Variants in CEP250 observed in about 807,000 individuals in gnomAD.
CEP250 encodes the protein centrosome-associated protein CEP250.
A neutral mutation model predicts 315.7 loss-of-function variants in CEP250; 242 were observed. The ratio of observed to expected loss-of-function variants is 0.77; its 90% CI spans 0.69 to 0.85. The LOEUF (loss-of-function observed/expected upper bound fraction) is 0.85, where lower values mean the gene tolerates loss of function less well. CEP250 is among the 40% of genes least tolerant of loss of function. The pLI is 0.00. For synonymous variants in CEP250, 1,088 were observed against 1,175.0 expected, an observed-to-expected ratio of 0.93 and a Z score of 1.51; for missense variants, 2,515 against 2,886.4, an observed-to-expected ratio of 0.87 and a Z score of 2.95.
rs533043565 is a variant in CEP250 at position 35,490,923 on chromosome 20, AC to A, written c.2754+122del. 4.7e-4 allele frequency: 579 copies of A among 1,238,474 alleles called. 1 individual carries two copies. The South Asian group carries it at 4.7e-3, about 10-fold the overall frequency. The allele number at this position is 1,238,474 out of a possible 1,614,324, so 76.7% of individuals were successfully genotyped here. ...GGGGCTTCCAGAAGAGAGGGTAGCT[AC>A]CCACTTTGCTAACAGTGAGCAGGGT... On this transcript the variant is annotated intron_variant, in intron 21 of 34. Coordinates refer to ENST00000397527, the MANE Select transcript of CEP250 (RefSeq NM_007186.6).
intron 30 of CEP250, among the ~76,000 whole-genome samples, chr20:35,505,342 G>T (rs934862302): frequency 8.5e-5 from 13 of 152,286 alleles, no homozygotes; most frequent in African/African-American, 2.9e-4. Flanking sequence ...AAGGCTTTCT[G>T]GTAAAAGTGG....
At chr20:35,475,931 C>T (rs1452016026) in intron 15 of CEP250, among the ~76,000 whole-genome samples, 3 of 152,156 alleles carry the variant, frequency 2.0e-5, no homozygotes, top group African/African-American at 7.2e-5. Context: ...GTGTTTTAGC[C>T]TCCCCTTCTA....
At chr20:35,494,360 G>A (rs143717851) in intron 23 of CEP250, 164 bp from the exon 24 acceptor site, 5 of 826,296 alleles carry the variant, frequency 6.1e-6, no homozygotes, top group South Asian at 5.1e-5. Flanking sequence ...ATTGAGGAAG[G>A]GGGTGGTTAA....
chr20:35,476,211 C>A, intron 15 of CEP250: 1 of 390,400 alleles, frequency 2.6e-6, no homozygotes, highest in Non-Finnish European at 4.6e-6. Context: ...CTTACATTTT[C>A]TGTGGCATCA....
chr20:35,500,156 C>T lies in CEP250; in HGVS notation c.3885C>T (p.Ser1295=), dbSNP rs1217813282. 10 of 1,613,844 alleles carry T rather than the reference C, an allele frequency of 6.2e-6. No individual in the cohort carries two copies. In the East Asian group the frequency reaches 2.2e-4, roughly 36 times the overall value. ...TGCAGGATCTGCAGAGACAGCTCTC[C>T]CAGAATCAGGAAGGTGAGAAGCTCA... ...TELQDLQRQL[S]QNQEEKSKWE... Residue 1295 remains serine (S), a synonymous_variant, in exon 28 of 35, where the codon TCC becomes TCT. Transcript: ENST00000397527.
chr20:35,490,022 G>A (rs6120959), intron 20 of CEP250, among the ~76,000 whole-genome samples: 52,117 of 151,810 alleles, frequency 0.34, 10,346 homozygotes, highest in African/African-American at 0.54. Flanking sequence ...CTAAAAATAA[G>A]AATGCCTAGG....
rs1289689554 is a variant in CEP250 at position 35,509,000 on chromosome 20, T to TC, written c.6967dup (p.Leu2323ProfsTer29). On this transcript the variant is annotated frameshift_variant, in exon 33 of 35. Transcript: ENST00000397527. LOFTEE classifies it high-confidence loss of function. ...GGCCATGCGTGCGGCCCAGGCAGGG[T>TC]CCCTAGAGATCAGCAAGGCCACGGC... 6.4e-7 allele frequency: 1 copy of TC among 1,558,660 alleles called. No homozygotes were observed. Among genetic ancestry groups the TC allele is most frequent in the South Asian group, 1.2e-5 (1 of 84,498 alleles).
At chr20:35,465,967 C>G in intron 6 of CEP250, 72 bp from the exon 7 acceptor site, 1 of 1,577,836 alleles carries the variant, frequency 6.3e-7, no homozygotes, top group Non-Finnish European at 8.6e-7. Flanking sequence ...TGGTTGCCAT[C>G]TTACTCCCAG....
rs1021687347 is a variant in CEP250, at chr20:35,459,582, C to T, written c.-226-401C>T. 3.3e-5 allele frequency among the ~76,000 whole-genome samples: 5 copies of T among 149,578 alleles called. 1 individual carries two copies. Among genetic ancestry groups the T allele is most frequent in the Admixed American group, 1.3e-4 (2 of 15,008 alleles). ...GGGTGGCTGTCTGAAACCAGGAGTT[C>T]GAGACAAGCTTAGGCAACATGGCAA... On this transcript the variant is annotated intron_variant, in intron 2 of 34. Transcript: ENST00000397527.
intron 24 of CEP250, among the ~76,000 whole-genome samples, chr20:35,495,183 A>T (rs1228888810): frequency 6.6e-6 from 1 of 152,228 alleles, no homozygotes; most frequent in Non-Finnish European, 1.5e-5. Context: ...TACAGTGTTA[A>T]CTGAAAGAGT....
chr20:35,483,745 A>G (rs761881605), intron 20 of CEP250, among the ~76,000 whole-genome samples: 2 of 151,814 alleles, frequency 1.3e-5, no homozygotes, highest in Non-Finnish European at 2.9e-5. Context: ...TCCTTCATGT[A>G]TCTTCACTGC....
rs2063684756 is a variant in CEP250, at chr20:35,491,316, G to A, written c.2859G>A (p.Gln953=). The change falls in exon 22 of 35, where the codon CAG becomes CAA. Residue 953 remains glutamine, a synonymous_variant. Transcript: ENST00000397527. ...DASQQLERLR[Q]DMKVQKLKEQ... ...GCCAACAACTGGAACGACTGAGGCA[G>A]GACATGAAAGTCCAGAAATTAAAGG... 1 of 1,598,360 alleles carries A rather than the reference G, an allele frequency of 6.3e-7. No individual in the cohort carries two copies. Among genetic ancestry groups the A allele is most frequent in the Non-Finnish European group, 8.5e-7 (1 of 1,172,000 alleles).
intron 17 of CEP250, among the ~76,000 whole-genome samples, 197 bp from the exon 18 acceptor site, chr20:35,479,034 G>A (rs2146871799): frequency 6.6e-6 from 1 of 152,330 alleles, no homozygotes; most frequent in East Asian, 1.9e-4. Flanking sequence ...CTTGCTCACA[G>A]GGGAGCATTC....
Position 35,503,763 on chromosome 20 carries a change from G to C in CEP250, c.5394G>C (p.Glu1798Asp), listed in dbSNP as rs1568835615. 9.3e-6 allele frequency: 15 copies of C among 1,613,884 alleles called. No individual in the cohort carries two copies. Among genetic ancestry groups the C allele is most frequent in the Non-Finnish European group, 1.3e-5 (15 of 1,180,034 alleles). Residue 1798 changes from glutamate (E) to aspartate (D), a missense_variant, in exon 30 of 35, where the codon GAG becomes GAC. Coordinates refer to ENST00000397527, the MANE Select transcript of CEP250 (RefSeq NM_007186.6). The surrounding 1 kb of genome is among the most constrained non-coding windows in gnomAD (Gnocchi z 4.2). ...QEAREQGELKEQSLQSQLDEA... is the reference protein window; with the variant it reads ...QEAREQGELKDQSLQSQLDEA... ...CCAGGGAACAAGGGGAGCTGAAGGA[G>C]CAGTCACTTCAGAGTCAACTGGATG...
At chr20:35,477,576 C>T (rs960944835) in intron 16 of CEP250, among the ~76,000 whole-genome samples, 16 of 152,224 alleles carry the variant, frequency 1.1e-4, no homozygotes, top group African/African-American at 3.4e-4. Context: ...ATAATTATAG[C>T]GAGGGAACCT....
In CEP250 at chr20:35,511,760, G is replaced by C. The variant is rs1348939132; in HGVS notation, c.*134G>C. On this transcript the variant is annotated 3_prime_UTR_variant, in exon 35 of 35. Coordinates refer to ENST00000397527, the MANE Select transcript of CEP250 (RefSeq NM_007186.6). ...AGCCCCAGGTCGGCGGGTGTTCCCA[G>C]GAAGAGGAAGTAAATCTGCAACCCT... 2.7e-5 allele frequency: 39 copies of C among 1,428,450 alleles called. No individual in the cohort carries two copies. Among genetic ancestry groups the C allele is most frequent in the Non-Finnish European group, 3.4e-5 (37 of 1,094,450 alleles). 88.5% of individuals were successfully genotyped at this position (1,428,450 alleles called of 1,614,324 possible).
intron 20 of CEP250, among the ~76,000 whole-genome samples, chr20:35,480,347 CATT>C (rs1354741359): frequency 6.6e-6 from 1 of 152,060 alleles, no homozygotes; most frequent in Non-Finnish European, 1.5e-5. Context: ...ATGTGTTAGC[CATT>C]ATTATTGTTG....
intron 15 of CEP250, 94 bp from the exon 16 acceptor site, chr20:35,476,355 C>A (rs1167825230): frequency 1.3e-5 from 16 of 1,201,968 alleles, no homozygotes; most frequent in Non-Finnish European, 1.9e-5. Context: ...TAACTGATCT[C>A]TGTACCAAAA....
chr20:35,474,154 C>T, intron 14 of CEP250, 102 bp downstream of exon 14: 1 of 1,012,376 alleles, frequency 9.9e-7, no homozygotes, highest in Non-Finnish European at 1.4e-6. Context: ...ATGTAGAAGT[C>T]TGGCATGCAG....
Sources: gnomAD v4.1 joint callset for allele counts (sites outside exome capture counted in the v4.1 genomes callset) on GRCh38, gnomAD v4.1.1 for gene constraint, Gnocchi (gnomAD v3.1) non-coding constraint, MANE v1.5 for transcripts, NCBI Gene and HGNC (gene_info 2026-07-23, HGNC 2026-07-21) for gene names.